Variants in UNC13A observed in about 807,000 individuals in gnomAD.
UNC13A encodes unc-13 homolog A, also known as protein unc-13 homolog A.
In UNC13A, 61 loss-of-function variants were observed where a neutral mutation model predicts 219.7. That is an observed-to-expected ratio of 0.28 (90% CI 0.23 to 0.34). The LOEUF (loss-of-function observed/expected upper bound fraction) is 0.34, where lower values mean the gene tolerates loss of function less well. UNC13A is among the 10% of genes least tolerant of loss of function. UNC13A has a pLI of 1.00. For synonymous variants in UNC13A, 920 were observed against 884.6 expected, an observed-to-expected ratio of 1.04 and a Z score of -0.71; for missense variants, 1,476 against 2,270.3, an observed-to-expected ratio of 0.65 and a Z score of 7.11.
chr19:17,666,912 A>AAGACAG (rs142766528), intron 6 of UNC13A, among the ~76,000 whole-genome samples: 1 of 65,640 alleles, frequency 1.5e-5, no homozygotes, highest in African/African-American at 4.5e-5. Context: ...GAGAGAGAGA[A>AAGACAG]AGACAGAGAC....
intron 39 of UNC13A, 94 bp from the exon 40 acceptor site, chr19:17,618,595 C>A: frequency 7.7e-7 from 1 of 1,304,260 alleles, no homozygotes; most frequent in South Asian, 1.3e-5. Context: ...CTTGGAGGAG[C>A]TGGGCTGAGG....
rs971558673 is a variant in UNC13A, at chr19:17,641,418, C to T, written c.2611G>A (p.Val871Ile). ...IVDEFAMRYG[V>I]ESIYQAMTHF... Reference sequence around the variant, plus strand: ...GTCATGGCTTGGTAGATGGACTCGACGCCGTAGCGCATGGCAAACTCGTCC... The same window carrying T: ...GTCATGGCTTGGTAGATGGACTCGATGCCGTAGCGCATGGCAAACTCGTCC... The change falls in exon 21 of 44, where the codon GTC becomes ATC. Residue 871 changes from valine to isoleucine, a missense_variant. By Grantham distance (29) the Val-to-Ile change is conservative. Around this residue, in one of 14 missense-constraint regions of UNC13A, gnomAD observed 140 missense variants for 270.9 expected, o/e 0.52. Transcript: ENST00000519716. 1.5e-5 allele frequency: 24 copies of T among 1,614,080 alleles called. No homozygotes were observed. The highest frequency in any genetic ancestry group is 4.0e-5 in the African/African-American group (3 of 75,040).
intron 4 of UNC13A, among the ~76,000 whole-genome samples, chr19:17,671,056 T>G (rs1015943722): frequency 1.3e-5 from 2 of 152,196 alleles, no homozygotes; most frequent in South Asian, 2.1e-4. Context: ...GGCCCAGCCA[T>G]CATCACCCTG....
chr19:17,643,526 C>T (rs1282381100), intron 19 of UNC13A, among the ~76,000 whole-genome samples: 1 of 152,082 alleles, frequency 6.6e-6, no homozygotes. Context: ...ACCATGTTGG[C>T]CAGGCTGGTC....
At chr19:17,608,669 C>T (rs2076567069) in intron 43 of UNC13A, among the ~76,000 whole-genome samples, 1 of 151,316 alleles carries the variant, frequency 6.6e-6, no homozygotes, top group African/African-American at 2.4e-5. Flanking sequence ...AGGCGCCCGC[C>T]ACCACGCCTG....
At chr19:17,614,654 G>T (rs2076642645) in intron 41 of UNC13A, among the ~76,000 whole-genome samples, 1 of 152,076 alleles carries the variant, frequency 6.6e-6, no homozygotes, top group Non-Finnish European at 1.5e-5. Flanking sequence ...GTTACCTCAC[G>T]CTGGACAGGA....
At position 17,656,274 on chromosome 19, in the gene UNC13A, G is replaced by C; in HGVS notation, c.892C>G (p.Arg298Gly). 2 of 1,551,910 alleles carry C rather than the reference G, an allele frequency of 1.3e-6. No individual in the cohort carries two copies. Among genetic ancestry groups the C allele is most frequent in the Non-Finnish European group, 1.7e-6 (2 of 1,147,222 alleles). ...QGSDMEDERD[R>G]DSYHSCHSSV... is the part of the protein sequence containing the mutation. ...CTGTGGCAGGAGTGGTAGGAGTCCC[G>C]GTCCCGCTCATCCTCCATGTCGGAG... Residue 298 changes from arginine to glycine, a missense_variant, in exon 10 of 44, where the codon CGG becomes GGG. Around this residue, in one of 14 missense-constraint regions of UNC13A, gnomAD observed 351 missense variants for 342.6 expected, o/e 1.02. Coordinates refer to ENST00000519716, the MANE Select transcript of UNC13A (RefSeq NM_001080421.3).
At chr19:17,638,421 T>C (rs1037953465) in intron 25 of UNC13A, among the ~76,000 whole-genome samples, 1 of 152,010 alleles carries the variant, frequency 6.6e-6, no homozygotes, top group African/African-American at 2.4e-5. Context: ...TGAGCCATGA[T>C]TGCATCACTG....
Position 17,674,579 on chromosome 19 carries a change from T to G in UNC13A, c.152+78A>C, listed in dbSNP as rs1299131672. The G allele has an allele frequency of 1.5e-6, 2 of 1,332,018 alleles. No homozygotes were observed. The highest frequency in any genetic ancestry group is 2.9e-5 in the African/African-American group (2 of 69,550). The allele number at this position is 1,332,018 out of a possible 1,614,324, so 82.5% of individuals were successfully genotyped here. Reference sequence around the variant, plus strand: ...GGGAGTCACCCGGGATTCCCCAGTGTCCAGCTCTGCCCTGAGGGGCCAGCG... The same window carrying G: ...GGGAGTCACCCGGGATTCCCCAGTGGCCAGCTCTGCCCTGAGGGGCCAGCG... On this transcript the variant is annotated intron_variant, in intron 3 of 43. Transcript: ENST00000519716. The surrounding 1 kb of genome is among the most constrained non-coding windows in gnomAD (Gnocchi z 5.0).
chr19:17,610,117 G>C lies in UNC13A; in HGVS notation c.4652-18C>G. The C allele has an allele frequency of 6.2e-7, 1 of 1,613,588 alleles. No homozygotes were observed. The highest frequency in any genetic ancestry group is 8.5e-7 in the Non-Finnish European group (1 of 1,179,572). ...AGCCACCACTGTTGGAGGAAGTAGA[G>C]GGTAAGACAGGTCAGGTTCTCCCAG... On this transcript the variant is annotated intron_variant, in intron 42 of 43. Transcript: ENST00000519716.
Position 17,647,404 on chromosome 19 carries a change from C to T in UNC13A, c.1905G>A (p.Glu635=). The T allele has an allele frequency of 6.2e-7, 1 of 1,613,750 alleles. No individual in the cohort carries two copies. Among genetic ancestry groups the T allele is most frequent in the South Asian group, 1.1e-5 (1 of 91,084 alleles). Residue 635 remains glutamate, a synonymous_variant, in exon 17 of 44, where the codon GAG becomes GAA. Transcript: ENST00000519716. ...MVLKDRMKIR[E]RNKPEIFELI... Reference sequence around the variant, plus strand: ...GCTCGAAGATCTCGGGCTTGTTGCGCTCCCGGATCTTCATGCGGTCCTTGA... The same window carrying T: ...GCTCGAAGATCTCGGGCTTGTTGCGTTCCCGGATCTTCATGCGGTCCTTGA...
chr19:17,625,784 T>G (rs1212140879), intron 34 of UNC13A, among the ~76,000 whole-genome samples: 1 of 151,216 alleles, frequency 6.6e-6, no homozygotes, highest in East Asian at 2.0e-4. Flanking sequence ...ATCCAAATAT[T>G]TATCCACCTA....
intron 2 of UNC13A, among the ~76,000 whole-genome samples, chr19:17,675,346 A>T (rs2145915932): frequency 6.6e-6 from 1 of 151,756 alleles, no homozygotes; most frequent in African/African-American, 2.4e-5. Flanking sequence ...AATAATAATA[A>T]AAAGGCAGGG....
Position 17,647,251 on chromosome 19 carries a change from C to T in UNC13A, c.2044+14G>A, listed in dbSNP as rs371648861. On this transcript the variant is annotated intron_variant, in intron 17 of 43. Transcript: ENST00000519716. ...GGAGAAGGAGGGGCCCTATGGCGGC[C>T]CACGCCCCCTCACCGGTGATGCTGA... The T allele has an allele frequency of 2.7e-4, 416 of 1,554,426 alleles. 1 individual carries two copies. The African/African-American group carries it at 5.3e-3, about 20-fold the overall frequency.
intron 8 of UNC13A, among the ~76,000 whole-genome samples, chr19:17,659,207 C>T (rs1006030264): frequency 7.9e-5 from 12 of 152,232 alleles, no homozygotes; most frequent in Middle Eastern, 6.8e-3. Context: ...CTTTGGGAGG[C>T]GGAGGCGGGC....
chr19:17,639,363 G>A, intron 24 of UNC13A, 73 bp downstream of exon 24: 2 of 1,571,654 alleles, frequency 1.3e-6, no homozygotes, highest in African/African-American at 1.3e-5. Context: ...CAGGAGGAAT[G>A]TCACTTGTCC....
chr19:17,608,805 C>T (rs1178501081), intron 43 of UNC13A, among the ~76,000 whole-genome samples: 1 of 151,916 alleles, frequency 6.6e-6, no homozygotes, highest in Non-Finnish European at 1.5e-5. Flanking sequence ...TGTGAGCCAC[C>T]ACACCCAGCC....
At chr19:17,640,880 CTTTTT>C (rs10531732) in intron 21 of UNC13A, among the ~76,000 whole-genome samples, 31 of 139,704 alleles carry the variant, frequency 2.2e-4, no homozygotes, top group Non-Finnish European at 2.6e-4. Context: ...TTCTTTCTTT[CTTTTT>C]TTTTTTTTTT....
intron 40 of UNC13A, 141 bp from the exon 41 acceptor site, chr19:17,617,990 C>G: frequency 5.0e-6 from 6 of 1,207,798 alleles, no homozygotes; most frequent in Non-Finnish European, 6.8e-6. Flanking sequence ...TAGTGAACTC[C>G]TATGCATTCC....
Sources: gnomAD v4.1 joint callset for allele counts (sites outside exome capture counted in the v4.1 genomes callset) on GRCh38, gnomAD v4.1.1 for gene constraint, gnomAD v4.1.1 regional missense constraint, Gnocchi (gnomAD v3.1) non-coding constraint, MANE v1.5 for transcripts, NCBI Gene and HGNC (gene_info 2026-07-23, HGNC 2026-07-21) for gene names.